The following FMN2 variants were observed in gnomAD, a reference collection of about 807,000 sequenced individuals.
The protein encoded by FMN2 is formin-2.
Under a neutral mutation model 142.3 loss-of-function variants are expected in FMN2, and 51 were observed. The ratio of observed to expected loss-of-function variants is 0.36; its 90% CI spans 0.29 to 0.45. The LOEUF (loss-of-function observed/expected upper bound fraction) is 0.45. Ranked by LOEUF, FMN2 falls within the 20% of genes least tolerant of loss-of-function variation. The probability of loss-of-function intolerance (pLI) is 1.00; values close to 1 mark genes in which losing one functional copy is unlikely to be tolerated. For synonymous variants in FMN2, 882 were observed against 869.8 expected (o/e 1.01, Z -0.25); for missense variants, 1,936 against 2,122.8 (o/e 0.91, Z 1.73).
chr1:240,221,709 G>C lies in FMN2; in HGVS notation c.4065+10474G>C, dbSNP rs543573135. Among the ~76,000 whole-genome samples, 411 of 152,110 alleles carry C rather than the reference G, an allele frequency of 2.7e-3. 3 individuals carry two copies. The highest frequency in any genetic ancestry group is 0.027 in the South Asian group (130 of 4,822). Reference sequence around the variant, plus strand: ...TGCCTGTTCACTCTGATGATAGTTTGTTTTGCTGTGCAGATGCTCTTTAAT... The same window carrying C: ...TGCCTGTTCACTCTGATGATAGTTTCTTTTGCTGTGCAGATGCTCTTTAAT... On this transcript the variant is annotated intron_variant, in intron 6 of 17. Coordinates refer to ENST00000319653, the MANE Select transcript of FMN2 (RefSeq NM_020066.5).
intron 15 of FMN2, among the ~76,000 whole-genome samples, chr1:240,426,986 G>A (rs1572295820): frequency 1.4e-5 from 2 of 147,394 alleles, no homozygotes; most frequent in Admixed American, 6.6e-5. Context: ...TGATCCACCC[G>A]CCTTGGCCTC....
intron 2 of FMN2, chr1:240,144,946 C>T: frequency 7.7e-7 from 1 of 1,290,904 alleles, no homozygotes; most frequent in East Asian, 2.3e-5. Context: ...AGCCTACTAG[C>T]CGATACTTGA....
At chr1:240,112,035 T>C (rs1661827388) in intron 1 of FMN2, among the ~76,000 whole-genome samples, 2 of 152,218 alleles carry the variant, frequency 1.3e-5, no homozygotes, top group Admixed American at 6.5e-5. Context: ...CATAATTAGG[T>C]ATATAATATG....
At chr1:240,165,745 CT>C (rs1308333579) in intron 2 of FMN2, among the ~76,000 whole-genome samples, 3 of 151,732 alleles carry the variant, frequency 2.0e-5, no homozygotes, top group Non-Finnish European at 4.4e-5. Context: ...CCAAGATCAC[CT>C]TGAGGTATGT....
At chr1:240,101,598 G>T (rs1035176612) in intron 1 of FMN2, among the ~76,000 whole-genome samples, 12 of 151,846 alleles carry the variant, frequency 7.9e-5, no homozygotes, top group African/African-American at 2.9e-4. Flanking sequence ...GCAGTGGTGT[G>T]CTCATGGCTC....
intron 6 of FMN2, among the ~76,000 whole-genome samples, chr1:240,220,869 C>G (rs533878931): frequency 1.3e-5 from 2 of 151,198 alleles, no homozygotes; most frequent in Admixed American, 1.3e-4. Flanking sequence ...CTCCTCCAGC[C>G]CCCCCACCCC....
intron 2 of FMN2, among the ~76,000 whole-genome samples, chr1:240,157,048 AAAC>A (rs912995350): frequency 6.6e-6 from 1 of 152,180 alleles, no homozygotes; most frequent in African/African-American, 2.4e-5. Flanking sequence ...GTTAAGAAAA[AAAC>A]TTTATTTCTT....
intron 7 of FMN2, among the ~76,000 whole-genome samples, chr1:240,281,668 A>G (rs1234862221): frequency 6.6e-6 from 1 of 152,228 alleles, no homozygotes; most frequent in African/African-American, 2.4e-5. Context: ...AGTTTTTAAT[A>G]AATGGTCTCC....
intron 2 of FMN2, chr1:240,144,869 T>C: frequency 7.0e-7 from 1 of 1,429,948 alleles, no homozygotes; most frequent in Non-Finnish European, 9.9e-7. Flanking sequence ...CTCCTGCCAC[T>C]CCTTAGCCAC....
chr1:240,258,499 C>A (rs1249586822), intron 7 of FMN2, among the ~76,000 whole-genome samples: 1 of 152,054 alleles, frequency 6.6e-6, no homozygotes, highest in Non-Finnish European at 1.5e-5. Context: ...GGGGACTGAT[C>A]CCACGCACGA....
chr1:240,381,920 G>A (rs558055904), intron 14 of FMN2, among the ~76,000 whole-genome samples: 1 of 152,270 alleles, frequency 6.6e-6, no homozygotes, highest in Admixed American at 6.5e-5. Flanking sequence ...AACAAGACAA[G>A]GATGTCTACT....
At chr1:240,374,208 A>G (rs1672966310) in intron 14 of FMN2, among the ~76,000 whole-genome samples, 1 of 152,224 alleles carries the variant, frequency 6.6e-6, no homozygotes, top group Non-Finnish European at 1.5e-5. Flanking sequence ...TCTTCCATTT[A>G]TAGATCACAG....
intron 6 of FMN2, among the ~76,000 whole-genome samples, chr1:240,226,391 G>C (rs1156502578): frequency 6.6e-6 from 1 of 152,178 alleles, no homozygotes; most frequent in Admixed American, 6.5e-5. Flanking sequence ...GACATTCAAA[G>C]TACTGAAAGC....
At position 240,177,976 on chromosome 1, in the gene FMN2, A is replaced by G. The variant is rs1664992153; in HGVS notation, c.1838A>G (p.Tyr613Cys). Residue 613 changes from tyrosine to cysteine, a missense_variant, in exon 3 of 18, where the codon TAT (tyrosine) becomes TGT (cysteine). Coordinates refer to ENST00000319653, the MANE Select transcript of FMN2 (RefSeq NM_020066.5). ...AGTCAACCCACACACTCATTGGACT[A>G]TTCAGAAGGGCAGTTTCCTAGGCGA... ...AVSQPTHSLDYSEGQFPRRVP... is the reference protein window; with the variant it reads ...AVSQPTHSLDCSEGQFPRRVP... 3 of 1,612,878 alleles carry G rather than the reference A, an allele frequency of 1.9e-6. No homozygotes were observed. Among genetic ancestry groups the G allele is most frequent in the Admixed American group, 1.7e-5 (1 of 59,648 alleles).
At chr1:240,334,327 C>A (rs1199875927) in intron 13 of FMN2, 98 bp downstream of exon 13, 3 of 1,324,082 alleles carry the variant, frequency 2.3e-6, no homozygotes, top group Non-Finnish European at 3.0e-6. Context: ...TCTTTTTTAT[C>A]TTTATAGAAC....
intron 8 of FMN2, among the ~76,000 whole-genome samples, chr1:240,306,004 C>T (rs111804694): frequency 0.012 from 1,801 of 147,474 alleles, 18 homozygotes; most frequent in Non-Finnish European, 0.016. Context: ...GGCTGGAGTG[C>T]GGTGACGTGA....
At chr1:240,231,984 G>C (rs1667539943) in intron 6 of FMN2, among the ~76,000 whole-genome samples, 1 of 152,116 alleles carries the variant, frequency 6.6e-6, no homozygotes, top group Admixed American at 6.6e-5. Flanking sequence ...CACTTTTTCA[G>C]ATAAGAGTAT....
intron 7 of FMN2, among the ~76,000 whole-genome samples, chr1:240,267,610 C>T (rs912808212): frequency 6.9e-6 from 1 of 144,774 alleles, no homozygotes; most frequent in Non-Finnish European, 1.5e-5. Flanking sequence ...ATGTAGCAAA[C>T]CTGCACTTGT....
At chr1:240,251,095 A>T (rs1668263189) in intron 6 of FMN2, among the ~76,000 whole-genome samples, 1 of 151,334 alleles carries the variant, frequency 6.6e-6, no homozygotes, top group South Asian at 2.1e-4. Context: ...GTTCTGTTCT[A>T]ATCTTCATTA....
Sources: gnomAD v4.1 joint callset for allele counts (sites outside exome capture counted in the v4.1 genomes callset) on GRCh38, gnomAD v4.1.1 for gene constraint, MANE v1.5 for transcripts, NCBI Gene and HGNC (gene_info 2026-07-23, HGNC 2026-07-21) for gene names.